PAN3: variants seen among roughly 807,000 people sequenced by gnomAD.
PAN3 encodes the protein poly(A) specific ribonuclease subunit PAN3, also known as PAN2-PAN3 deadenylation complex subunit PAN3.
In PAN3, 19 loss-of-function variants were observed where a neutral mutation model predicts 96.2. The ratio of observed to expected loss-of-function variants is 0.20; its 90% CI spans 0.14 to 0.29. The LOEUF (loss-of-function observed/expected upper bound fraction) is 0.29, where lower values mean the gene tolerates loss of function less well. Ranked by LOEUF, PAN3 falls within the 10% of genes least tolerant of loss-of-function variation. The pLI, the probability that PAN3 is intolerant of heterozygous loss-of-function variation, is 1.00. For missense variants in PAN3, 882 were observed against 1,108.1 expected, an observed-to-expected ratio of 0.80 and a Z score of 2.90; for synonymous variants, 433 against 406.6, an observed-to-expected ratio of 1.06 and a Z score of -0.78.
chr13:28,159,923 G>T (rs1380920871), intron 1 of PAN3, among the ~76,000 whole-genome samples: 1 of 151,508 alleles, frequency 6.6e-6, no homozygotes, highest in Non-Finnish European at 1.5e-5. Context: ...TGAAATAAAA[G>T]GTTTTTTTTT....
chr13:28,291,020 T>G (rs1323640656), intron 18 of PAN3, among the ~76,000 whole-genome samples: 3 of 152,142 alleles, frequency 2.0e-5, no homozygotes, highest in Non-Finnish European at 1.5e-5. Flanking sequence ...AAAATTCTGT[T>G]TCACATCATG....
intron 4 of PAN3, among the ~76,000 whole-genome samples, chr13:28,192,354 C>T (rs1205590672): frequency 1.3e-5 from 2 of 152,224 alleles, no homozygotes; most frequent in East Asian, 3.8e-4. Flanking sequence ...AGGCGTGAGC[C>T]ACCGTGCCTG....
chr13:28,221,979 C>G (rs558165315), intron 6 of PAN3, among the ~76,000 whole-genome samples: 1 of 152,210 alleles, frequency 6.6e-6, no homozygotes, highest in East Asian at 1.9e-4. Flanking sequence ...CCAAAGCATC[C>G]GCAATAATGG....
chr13:28,157,618 AAAAAT>A (rs1872367675), intron 1 of PAN3, among the ~76,000 whole-genome samples: 1 of 152,184 alleles, frequency 6.6e-6, no homozygotes, highest in African/African-American at 2.4e-5. Context: ...AATAGCCGTG[AAAAAT>A]AAAATACCTA....
intron 1 of PAN3, among the ~76,000 whole-genome samples, chr13:28,159,903 C>G (rs1404860430): frequency 6.6e-6 from 1 of 152,006 alleles, no homozygotes; most frequent in Non-Finnish European, 1.5e-5. Flanking sequence ...TGCATGTATA[C>G]CCCTGAAACT....
At chr13:28,247,756 A>G (rs957688054) in intron 6 of PAN3, among the ~76,000 whole-genome samples, 3 of 152,072 alleles carry the variant, frequency 2.0e-5, no homozygotes, top group African/African-American at 4.8e-5. Flanking sequence ...ATTTATTTCA[A>G]GTTCTGTGTT....
At chr13:28,177,578 C>A (rs993985640) in intron 3 of PAN3, among the ~76,000 whole-genome samples, 2 of 151,996 alleles carry the variant, frequency 1.3e-5, no homozygotes, top group African/African-American at 4.8e-5. Context: ...TTCATAAACA[C>A]ACTCACAATA....
At chr13:28,143,035 C>T (rs529150617) in intron 1 of PAN3, among the ~76,000 whole-genome samples, 4 of 152,254 alleles carry the variant, frequency 2.6e-5, no homozygotes, top group African/African-American at 9.6e-5. Flanking sequence ...AGCACAAAGG[C>T]TTTTTCTTAA....
At position 28,144,721 on chromosome 13, in the gene PAN3, T is replaced by C. The variant is rs1288199972; in HGVS notation, c.430+5634T>C. Among the ~76,000 whole-genome samples, 8 of 129,744 alleles carry C rather than the reference T, an allele frequency of 6.2e-5. 1 individual carries two copies. Among genetic ancestry groups the C allele is most frequent in the African/African-American group, 1.6e-4 (6 of 37,442 alleles). 85.1% of individuals were successfully genotyped at this position (129,744 alleles called of 152,430 possible). A position where few individuals can be genotyped will look rare whatever the true frequency, so the allele number is the denominator to read the frequency against. On this transcript the variant is annotated intron_variant, in intron 1 of 18. Coordinates refer to ENST00000380958, the MANE Select transcript of PAN3 (RefSeq NM_175854.8). ...CAAAAGCAAACCAAAACATCATCTT[T>C]TTTTTTTTTTTTTTTTTTCCTCAGA...
intron 4 of PAN3, among the ~76,000 whole-genome samples, chr13:28,195,362 C>T (rs1259705621): frequency 1.3e-5 from 2 of 152,072 alleles, no homozygotes; most frequent in East Asian, 1.9e-4. Flanking sequence ...TGTGATTGTA[C>T]CACTGCATTC....
Position 28,159,370 on chromosome 13 carries a change from A to G in PAN3, c.431-14902A>G, listed in dbSNP as rs556825910. Among the ~76,000 whole-genome samples, 9 of 152,340 alleles carry G rather than the reference A, an allele frequency of 5.9e-5. No individual in the cohort carries two copies. In the South Asian group the frequency reaches 1.9e-3, roughly 32 times the overall value. On this transcript the variant is annotated intron_variant, in intron 1 of 18. Coordinates refer to ENST00000380958, the MANE Select transcript of PAN3 (RefSeq NM_175854.8). ...GCAGTAGCAGAAAACCAAATACCAC[A>G]TGTTCTCACTTATAAGTGGGAACTA...
At chr13:28,190,616 A>G (rs1328964466) in intron 4 of PAN3, among the ~76,000 whole-genome samples, 7 of 152,314 alleles carry the variant, frequency 4.6e-5, no homozygotes, top group Middle Eastern at 3.4e-3. Context: ...TGACACTGCT[A>G]TAAAGAAATA....
chr13:28,197,768 G>A (rs928997060), intron 5 of PAN3, among the ~76,000 whole-genome samples: 11 of 151,772 alleles, frequency 7.2e-5, no homozygotes, highest in African/African-American at 1.9e-4. Flanking sequence ...ATGGGGTCTC[G>A]CCATGTTGGC....
At chr13:28,153,633 C>T (rs1431921509) in intron 1 of PAN3, among the ~76,000 whole-genome samples, 1 of 152,090 alleles carries the variant, frequency 6.6e-6, no homozygotes, top group Non-Finnish European at 1.5e-5. Flanking sequence ...TGGGAAACTT[C>T]GATTTCTGTA....
intron 7 of PAN3, among the ~76,000 whole-genome samples, chr13:28,258,204 C>T (rs1455953901): frequency 6.6e-6 from 1 of 152,106 alleles, no homozygotes; most frequent in Admixed American, 6.6e-5. Context: ...GGAAACCTTA[C>T]AAGTATCACA....
At chr13:28,201,801 A>G (rs1878737996) in intron 5 of PAN3, among the ~76,000 whole-genome samples, 1 of 152,030 alleles carries the variant, frequency 6.6e-6, no homozygotes, top group African/African-American at 2.4e-5. Flanking sequence ...TTGATTCTGA[A>G]ATGTTACTTT....
chr13:28,211,726 T>TA (rs547893575), intron 5 of PAN3, among the ~76,000 whole-genome samples: 21 of 152,182 alleles, frequency 1.4e-4, no homozygotes, highest in Admixed American at 3.3e-4. Flanking sequence ...AGATTAGACT[T>TA]ACCTCTCTTC....
chr13:28,246,156 TGAG>T (rs796157032), intron 6 of PAN3, among the ~76,000 whole-genome samples: 19 of 152,300 alleles, frequency 1.2e-4, no homozygotes, highest in African/African-American at 4.6e-4. Flanking sequence ...CTAAAGATTT[TGAG>T]GAGTTTTCCA....
At chr13:28,140,047 A>G (rs972993622) in intron 1 of PAN3, among the ~76,000 whole-genome samples, 1 of 152,130 alleles carries the variant, frequency 6.6e-6, no homozygotes, top group Non-Finnish European at 1.5e-5. Flanking sequence ...TCCCGAGTTC[A>G]AGCGATTCTG....
Sources: allele counts gnomAD v4.1 joint callset (sites outside exome capture counted in the v4.1 genomes callset), GRCh38; gene constraint gnomAD v4.1.1; transcripts MANE v1.5; gene names NCBI Gene and HGNC (gene_info 2026-07-23, HGNC 2026-07-21).